Variants in PTPRD observed in about 807,000 individuals in gnomAD.
PTPRD encodes the protein protein tyrosine phosphatase receptor type D.
In PTPRD, 34 loss-of-function variants were observed where a neutral mutation model predicts 214.5. That is an observed-to-expected ratio of 0.16 (90% CI 0.12 to 0.21). The LOEUF (loss-of-function observed/expected upper bound fraction) is 0.21. PTPRD is among the 10% of genes least tolerant of loss of function. PTPRD has a pLI of 1.00. For synonymous variants in PTPRD, 1,128 were observed against 845.7 expected (o/e 1.33, Z -5.79); for missense variants, 2,545 against 2,398.7 (o/e 1.06, Z -1.27).
intron 39 of PTPRD, among the ~76,000 whole-genome samples, chr9:8,375,038 A>G (rs145250178): frequency 2.0e-5 from 3 of 152,010 alleles, no homozygotes; most frequent in East Asian, 1.9e-4. Context: ...GGTTTTTCCT[A>G]TACTCCCAGA....
At chr9:8,666,708 C>T (rs1038512537) in intron 12 of PTPRD, among the ~76,000 whole-genome samples, 1 of 152,152 alleles carries the variant, frequency 6.6e-6, no homozygotes, top group African/African-American at 2.4e-5. Context: ...ACACTAAACT[C>T]TATTATTTCT....
chr9:9,933,260 C>A (rs1418567312), intron 5 of PTPRD, among the ~76,000 whole-genome samples: 6 of 152,188 alleles, frequency 3.9e-5, no homozygotes, highest in Admixed American at 6.5e-5. Context: ...AGTACATGCT[C>A]CAATTAAAAG....
intron 31 of PTPRD, among the ~76,000 whole-genome samples, chr9:8,466,252 C>G (rs1038190564): frequency 1.3e-5 from 2 of 151,902 alleles, no homozygotes; most frequent in African/African-American, 4.8e-5. Context: ...CAATTTCTGA[C>G]TTGACTTAGC....
At chr9:8,332,260 GTTGTCAA>G (rs1257248393) in intron 43 of PTPRD, among the ~76,000 whole-genome samples, 1 of 152,072 alleles carries the variant, frequency 6.6e-6, no homozygotes, top group Non-Finnish European at 1.5e-5. Context: ...TATTTCTACC[GTTGTCAA>G]ATGACAAATG....
At chr9:10,552,363 C>G (rs889008208) in intron 2 of PTPRD, among the ~76,000 whole-genome samples, 1 of 152,102 alleles carries the variant, frequency 6.6e-6, no homozygotes, top group African/African-American at 2.4e-5. Flanking sequence ...TATTGCTCCC[C>G]AAACTCTTAA....
At chr9:9,453,917 C>G (rs1402693919) in intron 8 of PTPRD, among the ~76,000 whole-genome samples, 1 of 151,680 alleles carries the variant, frequency 6.6e-6, no homozygotes, top group Non-Finnish European at 1.5e-5. Flanking sequence ...TAGTATATTA[C>G]TCTACATGAG....
At chr9:9,075,263 C>A (rs995106870) in intron 10 of PTPRD, among the ~76,000 whole-genome samples, 1 of 151,966 alleles carries the variant, frequency 6.6e-6, no homozygotes, top group Non-Finnish European at 1.5e-5. Flanking sequence ...GGGTATATCC[C>A]ATCACCTCAA....
At chr9:10,081,452 G>C (rs954541508) in intron 3 of PTPRD, among the ~76,000 whole-genome samples, 1 of 152,018 alleles carries the variant, frequency 6.6e-6, no homozygotes, top group Non-Finnish European at 1.5e-5. Context: ...AGGCAATTAG[G>C]TCATGAAGGT....
intron 11 of PTPRD, among the ~76,000 whole-genome samples, chr9:8,837,591 A>C (rs2154531728): frequency 6.6e-6 from 1 of 152,212 alleles, no homozygotes; most frequent in East Asian, 1.9e-4. Flanking sequence ...CAACTGCCCA[A>C]GCTCAAGTGA....
chr9:10,053,890 C>T (rs1368029565), intron 3 of PTPRD, among the ~76,000 whole-genome samples: 5 of 151,936 alleles, frequency 3.3e-5, no homozygotes, highest in Admixed American at 6.6e-5. Flanking sequence ...TACTGAGTAG[C>T]GGGGATTACA....
chr9:8,579,941 A>G (rs2092893713), intron 14 of PTPRD, among the ~76,000 whole-genome samples: 1 of 152,190 alleles, frequency 6.6e-6, no homozygotes, highest in South Asian at 2.1e-4. Context: ...GAATCATCAG[A>G]GGTGTGAAAC....
At chr9:8,538,445 C>T (rs990809938) in intron 14 of PTPRD, among the ~76,000 whole-genome samples, 4 of 151,488 alleles carry the variant, frequency 2.6e-5, no homozygotes, top group Admixed American at 6.6e-5. Flanking sequence ...TCAAATGGGA[C>T]TACAGAAAAC....
At chr9:9,824,522 T>C (rs944062924) in intron 5 of PTPRD, among the ~76,000 whole-genome samples, 24 of 152,144 alleles carry the variant, frequency 1.6e-4, no homozygotes, top group African/African-American at 5.8e-4. Context: ...TTTACTGTTA[T>C]GAATTAACTG....
At chr9:9,075,714 T>A (rs1484295373) in intron 10 of PTPRD, among the ~76,000 whole-genome samples, 1 of 152,176 alleles carries the variant, frequency 6.6e-6, no homozygotes, top group Non-Finnish European at 1.5e-5. Flanking sequence ...TGCAGCTTCA[T>A]CCATGTCCCT....
intron 5 of PTPRD, among the ~76,000 whole-genome samples, chr9:9,810,845 G>T (rs1565441330): frequency 6.6e-6 from 1 of 151,542 alleles, no homozygotes; most frequent in South Asian, 2.1e-4. Flanking sequence ...TGATGGATCT[G>T]GGCAAAGTAA....
intron 9 of PTPRD, among the ~76,000 whole-genome samples, chr9:9,365,439 T>A (rs1220670517): frequency 6.6e-6 from 1 of 151,554 alleles, no homozygotes; most frequent in African/African-American, 2.4e-5. Context: ...TAACAGAATA[T>A]TGAAAATATA....
chr9:8,545,985 A>G (rs1272446263), intron 14 of PTPRD, among the ~76,000 whole-genome samples: 2 of 152,194 alleles, frequency 1.3e-5, no homozygotes, highest in Non-Finnish European at 2.9e-5. Context: ...CAAGCACATA[A>G]TATCACCAAC....
At chr9:8,800,748 T>C (rs2154517634) in intron 11 of PTPRD, among the ~76,000 whole-genome samples, 1 of 152,318 alleles carries the variant, frequency 6.6e-6, no homozygotes, top group Non-Finnish European at 1.5e-5. Context: ...AAACTCACTT[T>C]CACTTTACTC....
chr9:9,085,465 AC>A (rs2099765687), intron 10 of PTPRD, among the ~76,000 whole-genome samples: 1 of 152,094 alleles, frequency 6.6e-6, no homozygotes, highest in South Asian at 2.1e-4. Context: ...CCTATTTTTG[AC>A]CCTTAGGGTG....
Sources: gnomAD v4.1 joint callset for allele counts (sites outside exome capture counted in the v4.1 genomes callset) on GRCh38, gnomAD v4.1.1 for gene constraint, MANE v1.5 for transcripts, NCBI Gene and HGNC (gene_info 2026-07-23, HGNC 2026-07-21) for gene names.